FRMD6: variants seen among roughly 807,000 people sequenced by gnomAD.
FRMD6 encodes the protein FERM domain containing 6, also known as FERM domain-containing protein 6.
Under a neutral mutation model 73.2 loss-of-function variants are expected in FRMD6, and 37 were observed. The observed-to-expected ratio is 0.51, with a 90% confidence interval of 0.39 to 0.66. FRMD6 has a LOEUF of 0.66. FRMD6 is among the 30% of genes least tolerant of loss of function. The pLI is 0.00. For missense variants in FRMD6, 714 were observed against 780.5 expected (o/e 0.91, Z 1.02); for synonymous variants, 273 against 282.2 (o/e 0.97, Z 0.33).
chr14:51,712,267 C>T (rs1302818205), intron 8 of FRMD6, among the ~76,000 whole-genome samples: 1 of 152,144 alleles, frequency 6.6e-6, no homozygotes, highest in Non-Finnish European at 1.5e-5. Context: ...GAAAAGATTG[C>T]CTTAAAAGGG....
chr14:51,457,409 G>A, the FRMD6 span, among the ~76,000 whole-genome samples: 1 of 152,192 alleles, frequency 6.6e-6, no homozygotes, highest in Non-Finnish European at 1.5e-5. Flanking sequence ...GGTGGGTGCT[G>A]TGGTTGATGA....
At chr14:51,548,269 C>T (rs1042473143) in intron 1 of FRMD6, among the ~76,000 whole-genome samples, 1 of 152,152 alleles carries the variant, frequency 6.6e-6, no homozygotes, top group Non-Finnish European at 1.5e-5. Context: ...TTCATTCTCG[C>T]TAAGTTCTAT....
the FRMD6 span, among the ~76,000 whole-genome samples, chr14:51,434,720 A>G: frequency 1.3e-5 from 2 of 152,212 alleles, no homozygotes; most frequent in Non-Finnish European, 2.9e-5. Flanking sequence ...GACTATTTGC[A>G]TAGTCTTAAA....
chr14:51,404,678 G>A, the FRMD6 span, among the ~76,000 whole-genome samples: 1 of 152,050 alleles, frequency 6.6e-6, no homozygotes, highest in Non-Finnish European at 1.5e-5. Context: ...ATTCTGCAAT[G>A]CTTTCTCTGC....
At chr14:51,709,927 T>C (rs1434275930) in intron 7 of FRMD6, among the ~76,000 whole-genome samples, 1 of 152,100 alleles carries the variant, frequency 6.6e-6, no homozygotes, top group Non-Finnish European at 1.5e-5. Context: ...TACAATATGC[T>C]TCACAAGGTT....
At chr14:51,460,791 T>C in the FRMD6 span, among the ~76,000 whole-genome samples, 7,083 of 152,288 alleles carry the variant, frequency 0.047, 211 homozygotes, top group East Asian at 0.11. Context: ...TGATTAGTGG[T>C]CTGTGAAAAG....
intron 1 of FRMD6, among the ~76,000 whole-genome samples, chr14:51,676,046 A>G (rs1894366319): frequency 6.6e-6 from 1 of 152,100 alleles, no homozygotes; most frequent in South Asian, 2.1e-4. Context: ...AATATAAAAT[A>G]TGAACTTTCT....
chr14:51,420,001 G>A, the FRMD6 span, among the ~76,000 whole-genome samples: 3 of 126,182 alleles, frequency 2.4e-5, no homozygotes, highest in African/African-American at 8.2e-5. Flanking sequence ...TCCTGCCCTC[G>A]TTAGGTGTAG....
intron 2 of FRMD6, among the ~76,000 whole-genome samples, chr14:51,633,565 C>T (rs1891420703): frequency 7.6e-6 from 1 of 130,796 alleles, no homozygotes; most frequent in Non-Finnish European, 1.5e-5. Flanking sequence ...CATGCCACTG[C>T]ACTCCAGCTT....
At chr14:51,684,448 A>C (rs1895016118) in intron 1 of FRMD6, among the ~76,000 whole-genome samples, 1 of 152,202 alleles carries the variant, frequency 6.6e-6, no homozygotes, top group African/African-American at 2.4e-5. Context: ...TGAGTTTAGC[A>C]CTCAGTTGCT....
chr14:51,714,763 A>T (rs563911116), intron 9 of FRMD6: 1 of 152,264 alleles, frequency 6.6e-6, no homozygotes, highest in Admixed American at 6.5e-5. Flanking sequence ...ATTTCCAATA[A>T]TTTATCATAA....
Position 51,658,255 on chromosome 14 carries a change from A to T in FRMD6, c.-147+6259A>T, listed in dbSNP as rs1349368772. On this transcript the variant is annotated intron_variant, in intron 1 of 13. Coordinates refer to ENST00000344768, the MANE Select transcript of FRMD6 (RefSeq NM_001267046.2). The stretch of plus-strand genomic sequence containing the variant: ...TGGATCTGTAGCCCAATGAGGCAGA[A>T]TTTTTCTTCTTTCAGCCTGCTGTAC... Among the ~76,000 whole-genome samples the T allele has an allele frequency of 2.0e-5, 3 of 152,128 alleles. No homozygotes were observed. The South Asian group carries it at 6.2e-4, about 31-fold the overall frequency.
At chr14:51,698,060 G>T in intron 2 of FRMD6, 82 bp from the exon 3 acceptor site, 1 of 873,474 alleles carries the variant, frequency 1.1e-6, no homozygotes, top group Non-Finnish European at 1.9e-6. Flanking sequence ...ATATATTTAC[G>T]ATGCATTAAA....
chr14:51,494,765 A>T (rs1883200682), intron 1 of FRMD6, among the ~76,000 whole-genome samples: 1 of 152,162 alleles, frequency 6.6e-6, no homozygotes, highest in Non-Finnish European at 1.5e-5. Flanking sequence ...TGGGCCCATG[A>T]TGAAGGTGAC....
intron 3 of FRMD6, 141 bp from the exon 4 acceptor site, chr14:51,700,915 A>G (rs1896268366): frequency 1.2e-5 from 5 of 431,650 alleles, no homozygotes; most frequent in Non-Finnish European, 2.1e-5. Context: ...GTCTTCTAGT[A>G]TCTCTTTGGG....
At chr14:51,591,819 G>A (rs916688041) in intron 2 of FRMD6, among the ~76,000 whole-genome samples, 2 of 152,170 alleles carry the variant, frequency 1.3e-5, no homozygotes, top group Admixed American at 1.3e-4. Flanking sequence ...GGGATTACAG[G>A]TGTGAGCCAC....
At chr14:51,690,709 A>T (rs562233906) in intron 2 of FRMD6, among the ~76,000 whole-genome samples, 1 of 152,208 alleles carries the variant, frequency 6.6e-6, no homozygotes, top group East Asian at 1.9e-4. Context: ...ATGCATCTTG[A>T]TTTTATCTTA....
chr14:51,402,073 C>A, the FRMD6 span, among the ~76,000 whole-genome samples: 1 of 152,198 alleles, frequency 6.6e-6, no homozygotes, highest in African/African-American at 2.4e-5. Context: ...TCAGTGGAGA[C>A]TAGATAACAC....
At chr14:51,525,004 T>G (rs55847669) in intron 1 of FRMD6, among the ~76,000 whole-genome samples, 5,356 of 102,426 alleles carry the variant, frequency 0.052, 179 homozygotes, top group African/African-American at 0.12. Context: ...AATCCAGGAT[T>G]GTGTGTTGGG....
Sources: allele counts gnomAD v4.1 joint callset (sites outside exome capture counted in the v4.1 genomes callset), GRCh38; gene constraint gnomAD v4.1.1; transcripts MANE v1.5; gene names NCBI Gene and HGNC (gene_info 2026-07-23, HGNC 2026-07-21).